ALOXE3: variants seen among roughly 807,000 people sequenced by gnomAD.
The protein encoded by ALOXE3 is arachidonate epidermal lipoxygenase 3, also known as hydroperoxide isomerase ALOXE3.
In ALOXE3, 78 loss-of-function variants were observed where a neutral mutation model predicts 87.5. The ratio of observed to expected loss-of-function variants is 0.89; its 90% CI spans 0.74 to 1.08. ALOXE3 has a LOEUF of 1.08. ALOXE3 is among the 50% of genes least tolerant of loss of function. ALOXE3 has a pLI of 0.00. For missense variants in ALOXE3, 946 were observed against 912.4 expected, an observed-to-expected ratio of 1.04 and a Z score of -0.47; for synonymous variants, 363 against 370.8, an observed-to-expected ratio of 0.98 and a Z score of 0.24.
intron 3 of ALOXE3, 108 bp from the exon 4 acceptor site, chr17:8,115,796 C>T (rs1980533393): frequency 1.8e-6 from 2 of 1,100,424 alleles, no homozygotes; most frequent in East Asian, 4.8e-5. Flanking sequence ...CAGCCACATC[C>T]CTGTGAAACA....
Position 8,110,161 on chromosome 17 carries a change from C to T in ALOXE3, c.1236G>A (p.Thr412=), listed in dbSNP as rs1979919077. ...VHENNTHFLC[T]HLLCEAFAMA... ...TGGCGAAGGCCTCGCACAGCAAATG[C>T]GTGCACAGAAAGTGCGTGTTGTTTT... Residue 412 remains threonine, a synonymous_variant, in exon 10 of 16, where the codon ACG becomes ACA. Coordinates refer to ENST00000448843, the MANE Select transcript of ALOXE3 (RefSeq NM_021628.3). 1 of 1,614,046 alleles carries T rather than the reference C, an allele frequency of 6.2e-7. No homozygotes were observed. The highest frequency in any genetic ancestry group is 8.5e-7 in the Non-Finnish European group (1 of 1,179,918).
intron 12 of ALOXE3, 63 bp downstream of exon 12, chr17:8,109,111 G>A: frequency 3.7e-6 from 6 of 1,601,794 alleles, no homozygotes; most frequent in Non-Finnish European, 4.2e-6. Flanking sequence ...TGAGCGCAGG[G>A]ACCACAATGT....
rs116310580 is a variant in ALOXE3, at chr17:8,114,623, G to C, written c.555-14C>G. On this transcript the variant is annotated splice_polypyrimidine_tract_variant and intron_variant, in intron 5 of 15. Coordinates refer to ENST00000448843, the MANE Select transcript of ALOXE3 (RefSeq NM_021628.3). ...CGATTCCCACTGCTGGGGGTCGGGG[G>C]AGTAGAAAGACAGAAACCAGTCAGT... 2,949 of 1,613,910 alleles carry C rather than the reference G, an allele frequency of 1.8e-3. 56 individuals are homozygous for C. The African/African-American group carries it at 0.034, about 19-fold the overall frequency.
intron 15 of ALOXE3, among the ~76,000 whole-genome samples, chr17:8,099,027 T>TC (rs1555645595): frequency 4.0e-5 from 6 of 148,944 alleles, no homozygotes; most frequent in African/African-American, 1.5e-4. Flanking sequence ...GTTTTCTTTT[T>TC]TTTTTTTTTT....
intron 3 of ALOXE3, 61 bp downstream of exon 3, chr17:8,116,715 C>A: frequency 6.4e-7 from 1 of 1,572,470 alleles, no homozygotes; most frequent in Admixed American, 1.7e-5. Flanking sequence ...TCTGTGAGAC[C>A]CCACTCCTAA....
At chr17:8,099,919 A>T (rs540037907) in intron 15 of ALOXE3, among the ~76,000 whole-genome samples, 4 of 152,046 alleles carry the variant, frequency 2.6e-5, no homozygotes, top group Admixed American at 1.3e-4. Context: ...AAAATCAAAA[A>T]ATTAGCCAGG....
Position 8,109,282 on chromosome 17 carries a change from G to A in ALOXE3, c.1454C>T (p.Thr485Ile). 1 of 1,614,118 alleles carries A rather than the reference G, an allele frequency of 6.2e-7. No homozygotes were observed. Among genetic ancestry groups the A allele is most frequent in the Non-Finnish European group, 8.5e-7 (1 of 1,180,038 alleles). The change falls in exon 12 of 16, where the codon ACC becomes ATC. Residue 485 changes from threonine to isoleucine, a missense_variant. Coordinates refer to ENST00000448843, the MANE Select transcript of ALOXE3 (RefSeq NM_021628.3). ...GTCCGGAAGGCAGAAATTGGTGTAG[G>A]TGAAGTGGGCCAGGCCCGTGCTCAT... ...YLMSTGLAHFTYTNFCLPDSL... is the reference protein window; with the variant it reads ...YLMSTGLAHFIYTNFCLPDSL...
chr17:8,108,502 A>T lies in ALOXE3; in HGVS notation c.1650T>A (p.Ile550=), dbSNP rs1979705227. Residue 550 remains isoleucine, a synonymous_variant, in exon 13 of 16, where the codon ATT becomes ATA. Transcript: ENST00000448843. ...DSELQAWTGE[I]FAQAFLGRES... is the part of the protein sequence containing the mutation. ...CCCGGCCCAGGAACGCCTGAGCAAAAATCTCGCCAGTCCAGGCCTGCAGCT... is the reference window on the plus strand; with the variant it reads ...CCCGGCCCAGGAACGCCTGAGCAAATATCTCGCCAGTCCAGGCCTGCAGCT... 1 of 1,613,520 alleles carries T rather than the reference A, an allele frequency of 6.2e-7. No homozygotes were observed.
Position 8,114,523 on chromosome 17 carries a change from G to A in ALOXE3, c.641C>T (p.Ala214Val). 1 of 1,614,090 alleles carries A rather than the reference G, an allele frequency of 6.2e-7. No individual in the cohort carries two copies. The highest frequency in any genetic ancestry group is 8.5e-7 in the Non-Finnish European group (1 of 1,180,000). ...MYMEPNVRYS[A>V]TKTISLLFNA... is the part of the protein sequence containing the mutation. ...GAAGAGCAGCGAGATCGTCTTGGTGGCTGAGTATCGAACATTGGGCTCCAT... is the reference window on the plus strand; with the variant it reads ...GAAGAGCAGCGAGATCGTCTTGGTGACTGAGTATCGAACATTGGGCTCCAT... Residue 214 changes from alanine (A) to valine (V), a missense_variant, in exon 6 of 16, where the codon GCC becomes GTC. Physicochemically the swap from Ala to Val is moderately conservative, Grantham distance 64. Transcript: ENST00000448843.
chr17:8,107,790 C>T (rs1979439200), intron 13 of ALOXE3, among the ~76,000 whole-genome samples: 1 of 110,008 alleles, frequency 9.1e-6, no homozygotes, highest in South Asian at 3.1e-4. Context: ...CAGAGGGAGA[C>T]TCCGTCTCAA....
intron 3 of ALOXE3, among the ~76,000 whole-genome samples, chr17:8,116,347 A>G (rs1482796495): frequency 6.6e-6 from 1 of 152,092 alleles, no homozygotes; most frequent in Non-Finnish European, 1.5e-5. Flanking sequence ...CCACACTAGA[A>G]AAGCTAGTAG....
intron 6 of ALOXE3, 55 bp downstream of exon 6, chr17:8,114,429 A>C: frequency 6.2e-7 from 1 of 1,610,922 alleles, no homozygotes; most frequent in Admixed American, 1.7e-5. Flanking sequence ...GAGCACGGGG[A>C]GGGGGATGGA....
At chr17:8,111,616 GT>G in intron 7 of ALOXE3, 85 bp from the exon 8 acceptor site, 1 of 1,480,232 alleles carries the variant, frequency 6.8e-7, no homozygotes, top group Non-Finnish European at 9.4e-7. Flanking sequence ...TATCATTGTG[GT>G]TTAGGTTTTC....
intron 13 of ALOXE3, 29 bp from the exon 14 acceptor site, chr17:8,104,244 G>A (rs1488665691): frequency 4.5e-6 from 7 of 1,561,058 alleles, no homozygotes; most frequent in Non-Finnish European, 6.2e-6. Context: ...GGTAGAGGGT[G>A]TGGATGGAAG....
chr17:8,104,019 C>T, intron 14 of ALOXE3, 96 bp downstream of exon 14: 1 of 1,053,278 alleles, frequency 9.5e-7, no homozygotes, highest in Non-Finnish European at 1.4e-6. Context: ...CATAAACCCA[C>T]CCCAACGCTG....
chr17:8,112,079 C>G lies in ALOXE3; in HGVS notation c.784+14G>C. 1.9e-6 allele frequency: 3 copies of G among 1,610,782 alleles called. No individual in the cohort carries two copies. The highest frequency in any genetic ancestry group is 1.7e-5 in the Admixed American group (1 of 60,022). On this transcript the variant is annotated intron_variant, in intron 7 of 15. Transcript: ENST00000448843. Reference sequence around the variant, plus strand: ...AAGGTGAGGGGTAGACATCTCCTGCCTGGCTCTGCTCACTTGTCGTGAAGG... The same window carrying G: ...AAGGTGAGGGGTAGACATCTCCTGCGTGGCTCTGCTCACTTGTCGTGAAGG...
rs1313666196 is a variant in ALOXE3, at chr17:8,107,965, GGAGAGAGAGAGAGAGA to G, written c.1684+487_1684+502del. On this transcript the variant is annotated intron_variant, in intron 13 of 15. Transcript: ENST00000448843. ...AGAAAGAAAGAAAGAAAGAAAGGAAGGAGAGAGAGAGAGAGAGAAAGAAAGAAAGGAAGGAAAGAAA... is the reference window on the plus strand; with the variant it reads ...AGAAAGAAAGAAAGAAAGAAAGGAAGGAAAGAAAGAAAGGAAGGAAAGAAA... Among the ~76,000 whole-genome samples, 55 of 6,268 alleles carry G rather than the reference GGAGAGAGAGAGAGAGA, an allele frequency of 8.8e-3. 2 individuals are homozygous for G. The highest frequency in any genetic ancestry group is 0.026 in the South Asian group (7 of 272). The allele number at this position is 6,268 out of a possible 152,430, so 4.1% of individuals were successfully genotyped here.
chr17:8,114,665 C>T (rs1485764986), intron 5 of ALOXE3, 56 bp from the exon 6 acceptor site: 1 of 1,609,758 alleles, frequency 6.2e-7, no homozygotes. Flanking sequence ...TGAAGCCCAG[C>T]TGCTCAACTC....
intron 13 of ALOXE3, among the ~76,000 whole-genome samples, chr17:8,108,055 GAAA>G (rs1979657540): frequency 6.7e-6 from 1 of 149,844 alleles, no homozygotes; most frequent in African/African-American, 2.5e-5. Flanking sequence ...AAGAAAGAAA[GAAA>G]GAAAGAAAGG....
Sources: gnomAD v4.1 joint callset for allele counts (sites outside exome capture counted in the v4.1 genomes callset) on GRCh38, gnomAD v4.1.1 for gene constraint, MANE v1.5 for transcripts, NCBI Gene and HGNC (gene_info 2026-07-23, HGNC 2026-07-21) for gene names.